The following STYX variants were observed in gnomAD, a reference collection of about 807,000 sequenced individuals.
The protein encoded by STYX is serine/threonine/tyrosine-interacting protein.
In STYX, 20 loss-of-function variants were observed where a neutral mutation model predicts 42.7. The observed-to-expected ratio is 0.47, with a 90% CI of 0.33 to 0.68. The LOEUF (loss-of-function observed/expected upper bound fraction) is 0.68. Among genes scored for constraint, STYX ranks in the 30% least tolerant of loss-of-function variants. STYX has a pLI of 0.02. For missense variants in STYX, 226 were observed against 268.5 expected (o/e 0.84, Z 1.11); for synonymous variants, 78 against 81.9 (o/e 0.95, Z 0.26).
intron 1 of STYX, among the ~76,000 whole-genome samples, chr14:52,738,990 T>C (rs1881075171): frequency 6.6e-6 from 1 of 152,028 alleles, no homozygotes; most frequent in South Asian, 2.1e-4. Context: ...TTTTTTTGTA[T>C]ACACGTTTCT....
In STYX at chr14:52,731,970, G is replaced by A. The variant is rs546539112; in HGVS notation, c.57+1439G>A. Among the ~76,000 whole-genome samples the A allele has an allele frequency of 2.8e-5, 4 of 144,692 alleles. No individual in the cohort carries two copies. The East Asian group carries it at 6.1e-4, about 22-fold the overall frequency. 94.9% of individuals were successfully genotyped at this position (144,692 alleles called of 152,430 possible). On this transcript the variant is annotated intron_variant, in intron 1 of 10. Transcript: ENST00000354586. ...TTTTCTTTTTTTTTTTTTTTGTAGC[G>A]ATGGGTTTTTTCTCCAGGCTGGTCT... is the stretch of plus-strand genomic sequence containing the variant.
intron 2 of STYX, among the ~76,000 whole-genome samples, chr14:52,745,276 A>C (rs1881353961): frequency 2.0e-5 from 3 of 151,904 alleles, no homozygotes; most frequent in Admixed American, 2.0e-4. Flanking sequence ...ATGCGCCACC[A>C]CACCCAGCTA....
chr14:52,774,268 G>A lies in STYX; in HGVS notation c.*3162G>A, dbSNP rs1309609281. The A allele has an allele frequency of 6.6e-6, 1 of 152,006 alleles. No individual in the cohort carries two copies. The highest frequency in any genetic ancestry group is 2.4e-5 in the African/African-American group (1 of 41,384). The allele number at this position is 152,006 out of a possible 1,614,324, so 9.4% of individuals were successfully genotyped here. A position where few individuals can be genotyped will look rare whatever the true frequency, so the allele number is the denominator to read the frequency against. ...TTAAGAAAATATAAGGTTTCTAATT[G>A]TCTTATTAATATGGTAATTCAAGTG... is the stretch of plus-strand genomic sequence containing the variant. On this transcript the variant is annotated 3_prime_UTR_variant, in exon 11 of 11. Coordinates refer to ENST00000354586, the MANE Select transcript of STYX (RefSeq NM_145251.4).
At chr14:52,766,337 T>G (rs1253720347) in intron 9 of STYX, among the ~76,000 whole-genome samples, 1 of 152,096 alleles carries the variant, frequency 6.6e-6, no homozygotes, top group Non-Finnish European at 1.5e-5. Context: ...CAGCTAATTT[T>G]TGTATTTTTT....
chr14:52,732,291 G>T (rs1217865103), intron 1 of STYX, among the ~76,000 whole-genome samples: 1 of 121,552 alleles, frequency 8.2e-6, no homozygotes, highest in Admixed American at 9.2e-5. Flanking sequence ...TTTTGAGACA[G>T]AGTCTCACTC....
At chr14:52,764,456 C>T (rs1882220216) in intron 9 of STYX, among the ~76,000 whole-genome samples, 1 of 151,978 alleles carries the variant, frequency 6.6e-6, no homozygotes, top group African/African-American at 2.4e-5. Flanking sequence ...TTGAGTTTTG[C>T]TATTAGATTT....
At chr14:52,743,923 G>A (rs759557259) in intron 1 of STYX, among the ~76,000 whole-genome samples, 3 of 152,122 alleles carry the variant, frequency 2.0e-5, no homozygotes, top group Non-Finnish European at 2.9e-5. Flanking sequence ...CCAGGCTCAA[G>A]CGATCTTCCC....
chr14:52,758,241 T>G (rs1881952385), intron 8 of STYX, among the ~76,000 whole-genome samples: 1 of 152,208 alleles, frequency 6.6e-6, no homozygotes, highest in South Asian at 2.1e-4. Context: ...ATGTTCTCCT[T>G]TAACAATAGT....
intron 1 of STYX, among the ~76,000 whole-genome samples, chr14:52,735,825 C>T (rs562163706): frequency 5.7e-4 from 87 of 152,310 alleles, no homozygotes; most frequent in African/African-American, 2.0e-3. Context: ...ATATTACTTT[C>T]ACGTTTCTTG....
chr14:52,749,663 T>C (rs540025680), intron 3 of STYX, among the ~76,000 whole-genome samples: 2 of 152,326 alleles, frequency 1.3e-5, no homozygotes, highest in Non-Finnish European at 2.9e-5. Context: ...GGTAATAAAA[T>C]AACATCTATA....
intron 9 of STYX, among the ~76,000 whole-genome samples, chr14:52,767,251 A>G (rs940801110): frequency 6.6e-6 from 1 of 152,200 alleles, no homozygotes; most frequent in Non-Finnish European, 1.5e-5. Context: ...TACTCATTTC[A>G]TCATAGGGCC....
At chr14:52,747,280 G>A (rs566858671) in intron 3 of STYX, among the ~76,000 whole-genome samples, 4 of 152,268 alleles carry the variant, frequency 2.6e-5, no homozygotes, top group South Asian at 2.1e-4. Flanking sequence ...GAGTTACAAC[G>A]TGGAACATAT....
intron 1 of STYX, among the ~76,000 whole-genome samples, chr14:52,736,721 G>C (rs7146028): frequency 0.65 from 98,757 of 151,926 alleles, 32,666 homozygotes; most frequent in African/African-American, 0.78. Flanking sequence ...ATACTGATGC[G>C]TGGACCCTAC....
At chr14:52,746,226 C>G (rs1230122981) in intron 2 of STYX, among the ~76,000 whole-genome samples, 200 bp from the exon 3 acceptor site, 1 of 151,784 alleles carries the variant, frequency 6.6e-6, no homozygotes, top group Non-Finnish European at 1.5e-5. Flanking sequence ...CCCAGGAGTT[C>G]CTTATCAGCC....
chr14:52,764,916 G>A (rs1413176930), intron 9 of STYX, among the ~76,000 whole-genome samples: 1 of 152,018 alleles, frequency 6.6e-6, no homozygotes, highest in East Asian at 1.9e-4. Flanking sequence ...TGATCCACCC[G>A]CCTCAGCATC....
intron 10 of STYX, among the ~76,000 whole-genome samples, chr14:52,770,711 T>TA (rs1199055396): frequency 6.6e-6 from 1 of 152,060 alleles, no homozygotes; most frequent in Non-Finnish European, 1.5e-5. Flanking sequence ...TTATGGTGCC[T>TA]AAAAAACAAT....
chr14:52,734,790 G>T (rs966048126), intron 1 of STYX, among the ~76,000 whole-genome samples: 1 of 152,180 alleles, frequency 6.6e-6, no homozygotes, highest in Admixed American at 6.5e-5. Context: ...GGCCGGGCGT[G>T]GTGGCTCACG....
Position 52,773,513 on chromosome 14 carries a change from GT to G in STYX, c.*2411del, listed in dbSNP as rs1298091393. ...CCACCATGCCTGGCTAATTTTTGTA[GT>G]TTTAGTAGAGATGGGGTTTCACCAT... On this transcript the variant is annotated 3_prime_UTR_variant, in exon 11 of 11. Transcript: ENST00000354586. 6.6e-6 allele frequency: 1 copy of G among 151,026 alleles called. No individual in the cohort carries two copies. Among genetic ancestry groups the G allele is most frequent in the Non-Finnish European group, 1.5e-5 (1 of 67,712 alleles). The allele number at this position is 151,026 out of a possible 1,614,324, so 9.4% of individuals were successfully genotyped here. A position where few individuals can be genotyped will look rare whatever the true frequency, so the allele number is the denominator to read the frequency against.
At chr14:52,763,683 CAG>C (rs1478054041) in intron 9 of STYX, among the ~76,000 whole-genome samples, 2 of 151,844 alleles carry the variant, frequency 1.3e-5, no homozygotes, top group East Asian at 1.9e-4. Context: ...ATTGTAATCA[CAG>C]AATGTTTTGT....
Sources: allele counts gnomAD v4.1 joint callset (sites outside exome capture counted in the v4.1 genomes callset), GRCh38; gene constraint gnomAD v4.1.1; transcripts MANE v1.5; gene names NCBI Gene and HGNC (gene_info 2026-07-23, HGNC 2026-07-21).